The following WDR7 variants were observed in gnomAD, a reference collection of about 807,000 sequenced individuals.
WDR7 encodes the protein WD repeat domain 7.
WDR7 carries 46 observed loss-of-function variants against 169.4 expected under a neutral mutation model. The observed-to-expected ratio is 0.27, with a 90% CI of 0.21 to 0.35. The LOEUF (loss-of-function observed/expected upper bound fraction) is 0.35. Among genes scored for constraint, WDR7 ranks in the 10% least tolerant of loss-of-function variants. The pLI is 1.00. For missense variants in WDR7, 1,534 were observed against 1,859.3 expected (o/e 0.83, Z 3.22); for synonymous variants, 612 against 666.8 (o/e 0.92, Z 1.27).
chr18:56,879,625 G>A (rs142501268), intron 20 of WDR7, among the ~76,000 whole-genome samples: 1 of 151,988 alleles, frequency 6.6e-6, no homozygotes, highest in Non-Finnish European at 1.5e-5. Context: ...AAAATTACTG[G>A]TGCTTTTGGT....
intron 13 of WDR7, among the ~76,000 whole-genome samples, chr18:56,720,689 T>G (rs138055941): frequency 6.6e-6 from 1 of 152,214 alleles, no homozygotes; most frequent in South Asian, 2.1e-4. Flanking sequence ...TAGACAAAGT[T>G]ACTGTTCTAG....
Position 56,985,291 on chromosome 18 carries a change from A to G in WDR7, c.4164+22762A>G, listed in dbSNP as rs549860727. ...CAACATGAAATTTAGCATGATTAAT[A>G]TAAATATTATACTTTTAAAATAATA... On this transcript the variant is annotated intron_variant, in intron 26 of 27. Transcript: ENST00000254442. Among the ~76,000 whole-genome samples the G allele has an allele frequency of 1.6e-3, 240 of 152,346 alleles. 2 individuals are homozygous for G. The highest frequency in any genetic ancestry group is 5.5e-3 in the African/African-American group (230 of 41,576).
chr18:56,773,185 G>A (rs9964479), intron 16 of WDR7, among the ~76,000 whole-genome samples: 2,087 of 152,190 alleles, frequency 0.014, 45 homozygotes, highest in African/African-American at 0.048. Flanking sequence ...AATGAGGCAG[G>A]GTTCCTGAAA....
chr18:56,955,414 A>G (rs2047237260), intron 25 of WDR7, among the ~76,000 whole-genome samples: 1 of 152,192 alleles, frequency 6.6e-6, no homozygotes, highest in African/African-American at 2.4e-5. Flanking sequence ...AAAGTGTTTC[A>G]GACCAAATCC....
chr18:56,959,595 T>A (rs1215797850), intron 25 of WDR7, among the ~76,000 whole-genome samples: 1 of 152,124 alleles, frequency 6.6e-6, no homozygotes, highest in Non-Finnish European at 1.5e-5. Context: ...CACAGTGAAC[T>A]GGAGACCAAG....
At chr18:56,871,785 G>A (rs548362134) in intron 20 of WDR7, among the ~76,000 whole-genome samples, 19 of 151,864 alleles carry the variant, frequency 1.3e-4, no homozygotes, top group African/African-American at 4.6e-4. Flanking sequence ...ATAATGTGTT[G>A]GGTTAAAAAA....
intron 20 of WDR7, among the ~76,000 whole-genome samples, chr18:56,823,766 G>T (rs1193377814): frequency 2.0e-5 from 3 of 152,104 alleles, no homozygotes; most frequent in Admixed American, 6.5e-5. Context: ...CATACGGTTG[G>T]TGTAAGTTCT....
At chr18:56,745,652 A>G (rs897877320) in intron 14 of WDR7, among the ~76,000 whole-genome samples, 1 of 152,160 alleles carries the variant, frequency 6.6e-6, no homozygotes, top group Non-Finnish European at 1.5e-5. Flanking sequence ...CCCGTTCCTA[A>G]CAAGCCATGA....
chr18:56,894,125 G>A (rs1034764908), intron 21 of WDR7, among the ~76,000 whole-genome samples: 3 of 151,886 alleles, frequency 2.0e-5, no homozygotes, highest in Non-Finnish European at 4.4e-5. Context: ...ATATCCCAAA[G>A]TCAGCTATTT....
chr18:56,988,153 C>T (rs1326758587), intron 26 of WDR7, among the ~76,000 whole-genome samples: 1 of 152,180 alleles, frequency 6.6e-6, no homozygotes, highest in Non-Finnish European at 1.5e-5. Context: ...CATCCGATTT[C>T]TTTTAGTCTT....
At chr18:56,885,488 A>G (rs1039461522) in intron 21 of WDR7, among the ~76,000 whole-genome samples, 2 of 152,018 alleles carry the variant, frequency 1.3e-5, no homozygotes, top group Admixed American at 1.3e-4. Flanking sequence ...TGTGAAATAC[A>G]CTGGAAAGTC....
At chr18:56,721,196 C>G (rs1196964323) in intron 13 of WDR7, among the ~76,000 whole-genome samples, 1 of 152,092 alleles carries the variant, frequency 6.6e-6, no homozygotes, top group Non-Finnish European at 1.5e-5. Context: ...CACATTAACC[C>G]TGTTTTGCAT....
At chr18:56,733,977 A>G (rs2026641676) in intron 14 of WDR7, among the ~76,000 whole-genome samples, 1 of 152,150 alleles carries the variant, frequency 6.6e-6, no homozygotes, top group African/African-American at 2.4e-5. Context: ...GAAAGTGCAG[A>G]GAGCCTTTTC....
chr18:56,777,747 A>C (rs1016841391), intron 17 of WDR7, among the ~76,000 whole-genome samples: 1 of 152,230 alleles, frequency 6.6e-6, no homozygotes, highest in Non-Finnish European at 1.5e-5. Flanking sequence ...GGAATCTTCC[A>C]GTGGCCATAA....
At chr18:56,685,869 A>G (rs955773050) in intron 5 of WDR7, 87 bp from the exon 6 acceptor site, 2 of 1,086,284 alleles carry the variant, frequency 1.8e-6, no homozygotes, top group Admixed American at 2.6e-5. Flanking sequence ...CTATTGTTTA[A>G]TTTTATTCAA....
chr18:56,795,350 T>C (rs991514168), intron 19 of WDR7, among the ~76,000 whole-genome samples: 1 of 152,180 alleles, frequency 6.6e-6, no homozygotes, highest in Non-Finnish European at 1.5e-5. Flanking sequence ...AATTGTGTTT[T>C]AAGATCGCAA....
At chr18:57,033,751 G>A (rs1279687617), downstream of WDR7, 4 of 148,624 alleles carry the variant, frequency 2.7e-5, no homozygotes, top group East Asian at 2.0e-4. Context: ...GAGTCCTTCC[G>A]TAAAGATTGC....
chr18:56,834,592 T>C (rs926801894), intron 20 of WDR7, among the ~76,000 whole-genome samples: 2 of 152,104 alleles, frequency 1.3e-5, no homozygotes, highest in Non-Finnish European at 2.9e-5. Context: ...GTTTTATCAG[T>C]GATATTCCTT....
chr18:56,883,037 C>T (rs2046132740), intron 21 of WDR7, among the ~76,000 whole-genome samples: 1 of 151,882 alleles, frequency 6.6e-6, no homozygotes, highest in Non-Finnish European at 1.5e-5. Flanking sequence ...AGTGAAACCC[C>T]ATCTCTACTA....
Sources: allele counts gnomAD v4.1 joint callset (sites outside exome capture counted in the v4.1 genomes callset), GRCh38; gene constraint gnomAD v4.1.1; transcripts MANE v1.5; gene names NCBI Gene and HGNC (gene_info 2026-07-23, HGNC 2026-07-21).